DRC11: variants seen among roughly 807,000 people sequenced by gnomAD.
DRC11 encodes IQ and AAA domain-containing protein 1.
the DRC11 span, among the ~76,000 whole-genome samples, chr2:236,449,361 G>A: frequency 6.6e-6 from 1 of 152,298 alleles, no homozygotes; most frequent in East Asian, 1.9e-4. This position sits in a 1 kb window ranked among gnomAD's most constrained non-coding sequence, Gnocchi z 5.1. Flanking sequence ...CTGTCACGAA[G>A]CCAGGGCCAG....
the DRC11 span, chr2:236,338,308 A>G: frequency 6.2e-7 from 1 of 1,614,070 alleles, no homozygotes; most frequent in South Asian, 1.1e-5. Flanking sequence ...TGGTCCCCAC[A>G]ATCAGAATCC....
At chr2:236,426,295 C>T in the DRC11 span, among the ~76,000 whole-genome samples, 1 of 151,928 alleles carries the variant, frequency 6.6e-6, no homozygotes, top group Non-Finnish European at 1.5e-5. This position sits in a 1 kb window ranked among gnomAD's most constrained non-coding sequence, Gnocchi z 4.1. Context: ...TTATTTGTGT[C>T]CTCTTAAAAT....
At chr2:236,403,912 C>CT in the DRC11 span, among the ~76,000 whole-genome samples, 690 of 152,216 alleles carry the variant, frequency 4.5e-3, 6 homozygotes, top group African/African-American at 0.016. Flanking sequence ...CCCCCGATGC[C>CT]TTTTACTAGG....
At chr2:236,408,805 T>G in the DRC11 span, 8 of 666,944 alleles carry the variant, frequency 1.2e-5, no homozygotes, top group Non-Finnish European at 2.2e-5. The surrounding 1 kb of genome is among the most constrained non-coding windows in gnomAD (Gnocchi z 5.5). Context: ...GGTTTCCACA[T>G]AGCCCACAAT....
the DRC11 span, among the ~76,000 whole-genome samples, chr2:236,401,209 C>T: frequency 1.3e-5 from 2 of 152,136 alleles, no homozygotes; most frequent in East Asian, 3.9e-4. The surrounding 1 kb of genome is among the most constrained non-coding windows in gnomAD (Gnocchi z 4.6). Flanking sequence ...CTGCCTCTGC[C>T]GTCACTGCAG....
chr2:236,387,969 T>C, the DRC11 span, among the ~76,000 whole-genome samples: 1 of 152,188 alleles, frequency 6.6e-6, no homozygotes, highest in African/African-American at 2.4e-5. Context: ...TTCTTTTCTT[T>C]AAGAATGTTG....
the DRC11 span, among the ~76,000 whole-genome samples, chr2:236,316,170 TC>T: frequency 2.6e-5 from 4 of 151,968 alleles, no homozygotes; most frequent in African/African-American, 9.7e-5. This position sits in a 1 kb window ranked among gnomAD's most constrained non-coding sequence, Gnocchi z 6.8. Flanking sequence ...TCTCTCTCTC[TC>T]TCTCTTTTTG....
At chr2:236,359,566 C>CTGTTATTTCA in the DRC11 span, among the ~76,000 whole-genome samples, 6 of 152,274 alleles carry the variant, frequency 3.9e-5, no homozygotes, top group East Asian at 1.2e-3. This position sits in a 1 kb window ranked among gnomAD's most constrained non-coding sequence, Gnocchi z 4.3. Flanking sequence ...TCAGGCCCTT[C>CTGTTATTTCA]TGTTATTTCA....
the DRC11 span, among the ~76,000 whole-genome samples, chr2:236,491,138 T>TACATATATACAC: frequency 1.0e-5 from 1 of 98,758 alleles, no homozygotes; most frequent in Non-Finnish European, 1.9e-5. Flanking sequence ...TATATATATA[T>TACATATATACAC]ACAGTATATA....
chr2:236,477,885 C>T, the DRC11 span, among the ~76,000 whole-genome samples: 4 of 151,978 alleles, frequency 2.6e-5, no homozygotes, highest in African/African-American at 4.8e-5. Flanking sequence ...TGTTAAGTCT[C>T]CTCTTAAATG....
chr2:236,439,593 C>G, the DRC11 span, among the ~76,000 whole-genome samples: 4 of 152,032 alleles, frequency 2.6e-5, no homozygotes, highest in Admixed American at 2.0e-4. Context: ...TATAATTTGT[C>G]AATATAATTT....
chr2:236,391,891 T>G, the DRC11 span: 1 of 1,165,794 alleles, frequency 8.6e-7, no homozygotes, highest in Non-Finnish European at 1.3e-6. The surrounding 1 kb of genome is among the most constrained non-coding windows in gnomAD (Gnocchi z 4.5). Context: ...GCGGCCCTCC[T>G]GGACATGCCA....
the DRC11 span, among the ~76,000 whole-genome samples, chr2:236,347,582 C>T: frequency 6.7e-6 from 1 of 148,448 alleles, no homozygotes. Context: ...TTGCAATGAC[C>T]TGGATGAGAT....
chr2:236,382,298 G>C, the DRC11 span, among the ~76,000 whole-genome samples: 1 of 152,148 alleles, frequency 6.6e-6, no homozygotes, highest in Non-Finnish European at 1.5e-5. Flanking sequence ...CTGTTCCACT[G>C]ATCTATGTGT....
At chr2:236,399,726 C>G in the DRC11 span, among the ~76,000 whole-genome samples, 7 of 152,188 alleles carry the variant, frequency 4.6e-5, no homozygotes, top group Non-Finnish European at 8.8e-5. The surrounding 1 kb of genome is among the most constrained non-coding windows in gnomAD (Gnocchi z 7.0). Flanking sequence ...GTGGCCTCCC[C>G]TGGGGTACCC....
the DRC11 span, among the ~76,000 whole-genome samples, chr2:236,341,488 T>C: frequency 1.3e-5 from 2 of 152,008 alleles, no homozygotes; most frequent in African/African-American, 4.8e-5. Context: ...TCTAGAGGTG[T>C]GAGGGGTTCT....
At chr2:236,483,825 G>C in the DRC11 span, among the ~76,000 whole-genome samples, 2 of 152,186 alleles carry the variant, frequency 1.3e-5, no homozygotes, top group Admixed American at 6.5e-5. This position sits in a 1 kb window ranked among gnomAD's most constrained non-coding sequence, Gnocchi z 4.8. Context: ...TTATATTTTA[G>C]TTATACTTAA....
chr2:236,357,054 C>CTATA, the DRC11 span, among the ~76,000 whole-genome samples: 41 of 77,918 alleles, frequency 5.3e-4, no homozygotes, highest in African/African-American at 1.9e-3. Flanking sequence ...TATTATATAT[C>CTATA]TATTTATATA....
At chr2:236,474,090 G>T in the DRC11 span, among the ~76,000 whole-genome samples, 1 of 152,026 alleles carries the variant, frequency 6.6e-6, no homozygotes, top group Non-Finnish European at 1.5e-5. Context: ...GATAGATTTT[G>T]GATTTTTAAA....
Sources: allele counts gnomAD v4.1 joint callset (sites outside exome capture counted in the v4.1 genomes callset), GRCh38; gene constraint gnomAD v4.1.1; non-coding constraint Gnocchi (gnomAD v3.1); transcripts MANE v1.5; gene names NCBI Gene and HGNC (gene_info 2026-07-23, HGNC 2026-07-21).